CFAP36: variants seen among roughly 807,000 people sequenced by gnomAD.
The protein encoded by CFAP36 is cilia- and flagella-associated protein 36.
A neutral mutation model predicts 50.5 loss-of-function variants in CFAP36; 37 were observed. The observed-to-expected ratio is 0.73, with a 90% confidence interval of 0.56 to 0.96. CFAP36 has a LOEUF of 0.96. Among genes scored for constraint, CFAP36 ranks in the 50% least tolerant of loss-of-function variants. CFAP36 has a pLI of 0.00. For missense variants in CFAP36, 407 were observed against 396.2 expected (o/e 1.03, Z -0.23); for synonymous variants, 138 against 128.2 (o/e 1.08, Z -0.52).
At chr2:55,524,977 C>T (rs1684167157) in intron 3 of CFAP36, among the ~76,000 whole-genome samples, 2 of 147,954 alleles carry the variant, frequency 1.4e-5, no homozygotes, top group Middle Eastern at 3.4e-3. Context: ...ACAAAACTGT[C>T]TAAAAAAAAA....
chr2:55,523,972 T>C (rs1443116691), intron 3 of CFAP36, 150 bp downstream of exon 3: 2 of 504,054 alleles, frequency 4.0e-6, no homozygotes, highest in African/African-American at 1.9e-5. Context: ...TGAGTTCTTT[T>C]TGAGAGCAAC....
At chr2:55,537,637 C>T (rs768580169) in intron 7 of CFAP36, 52 bp downstream of exon 7, 1 of 1,150,242 alleles carries the variant, frequency 8.7e-7, no homozygotes, top group Non-Finnish European at 1.3e-6. Flanking sequence ...ACATAAACAC[C>T]ATATAGAATG....
At chr2:55,543,297 ACT>A (rs1367140380) in intron 7 of CFAP36, among the ~76,000 whole-genome samples, 1 of 151,506 alleles carries the variant, frequency 6.6e-6, no homozygotes, top group Non-Finnish European at 1.5e-5. Context: ...TAGAATGTTA[ACT>A]CTCTCTCTTG....
chr2:55,536,144 T>C (rs1171262107), intron 6 of CFAP36, among the ~76,000 whole-genome samples: 1 of 151,956 alleles, frequency 6.6e-6, no homozygotes, highest in Non-Finnish European at 1.5e-5. Context: ...ATTTTTTTTT[T>C]TTTTTTGAGA....
chr2:55,543,891 T>C (rs775782530), intron 7 of CFAP36, 47 bp from the exon 8 acceptor site: 11 of 1,541,568 alleles, frequency 7.1e-6, no homozygotes, highest in Non-Finnish European at 9.8e-6. Flanking sequence ...ACACTTAAAA[T>C]ATTTCTCATA....
At chr2:55,532,675 C>T (rs1684384228) in intron 4 of CFAP36, among the ~76,000 whole-genome samples, 1 of 151,994 alleles carries the variant, frequency 6.6e-6, no homozygotes, top group East Asian at 1.9e-4. Context: ...TTGCACTTAC[C>T]TCAAAATAAA....
intron 3 of CFAP36, among the ~76,000 whole-genome samples, chr2:55,526,721 G>A (rs1326101281): frequency 6.6e-6 from 1 of 152,132 alleles, no homozygotes; most frequent in Admixed American, 6.5e-5. Context: ...GGGGTTACAG[G>A]TGTGAGCCAC....
intron 7 of CFAP36, 124 bp downstream of exon 7, chr2:55,537,709 G>GTAAA: frequency 1.6e-6 from 1 of 635,490 alleles, no homozygotes; most frequent in South Asian, 2.4e-5. Context: ...AATGTCTTTG[G>GTAAA]TATTTAACGT....
intron 4 of CFAP36, among the ~76,000 whole-genome samples, chr2:55,532,396 A>G (rs900267522): frequency 6.6e-6 from 1 of 152,174 alleles, no homozygotes; most frequent in Non-Finnish European, 1.5e-5. Flanking sequence ...GAATTTAGAG[A>G]AATTGCAAAT....
At chr2:55,544,681 A>T (rs182727066) in intron 9 of CFAP36, among the ~76,000 whole-genome samples, 3 of 152,280 alleles carry the variant, frequency 2.0e-5, no homozygotes, top group Admixed American at 6.5e-5. Flanking sequence ...ATAGAGCAGC[A>T]TCAGTACCAC....
At chr2:55,524,240 T>C (rs958005158) in intron 3 of CFAP36, among the ~76,000 whole-genome samples, 2 of 152,104 alleles carry the variant, frequency 1.3e-5, no homozygotes, top group Admixed American at 1.3e-4. Context: ...GTAATACATA[T>C]GTTATAAACT....
intron 1 of CFAP36, among the ~76,000 whole-genome samples, chr2:55,520,796 A>G (rs1047828175): frequency 6.6e-6 from 1 of 152,194 alleles, no homozygotes; most frequent in African/African-American, 2.4e-5. Context: ...TGTAAGGTTG[A>G]GTAGAATAGA....
chr2:55,530,204 G>A (rs941161253), intron 4 of CFAP36, among the ~76,000 whole-genome samples: 3 of 152,082 alleles, frequency 2.0e-5, no homozygotes, highest in Non-Finnish European at 4.4e-5. Flanking sequence ...TGGGAAAGGG[G>A]AGTCTTCCTG....
At position 55,544,200 on chromosome 2, in the gene CFAP36, CCTTTT is replaced by C. The variant is rs1684714172; in HGVS notation, c.778-16_778-12del. On this transcript the variant is annotated splice_polypyrimidine_tract_variant and intron_variant, in intron 8 of 9. Transcript: ENST00000349456. ...TAAATGGATTTGAATTTAGATAGCTCCTTTTCTTACTTGACCCAGAACTTATCAGT... is the reference window on the plus strand; with the variant it reads ...TAAATGGATTTGAATTTAGATAGCTCCTTACTTGACCCAGAACTTATCAGT... 6.2e-7 allele frequency: 1 copy of C among 1,607,974 alleles called. No homozygotes were observed. Among genetic ancestry groups the C allele is most frequent in the African/African-American group, 1.3e-5 (1 of 74,320 alleles).
chr2:55,533,842 A>T (rs1370944329), intron 4 of CFAP36, 31 bp from the exon 5 acceptor site: 2 of 1,362,412 alleles, frequency 1.5e-6, no homozygotes, highest in Non-Finnish European at 2.1e-6. Context: ...TGGAGTTGAT[A>T]CTATTTCATG....
At chr2:55,534,412 G>A (rs1310326103) in intron 5 of CFAP36, among the ~76,000 whole-genome samples, 1 of 152,202 alleles carries the variant, frequency 6.6e-6, no homozygotes, top group African/African-American at 2.4e-5. Context: ...TCAAGGGAGG[G>A]ATGACAGAGG....
intron 7 of CFAP36, among the ~76,000 whole-genome samples, chr2:55,541,201 G>C (rs56291890): frequency 4.7e-4 from 72 of 152,190 alleles, no homozygotes; most frequent in South Asian, 8.3e-4. Flanking sequence ...GCAAGTTCCT[G>C]TAATGCTAGC....
At chr2:55,543,361 G>A (rs1684690037) in intron 7 of CFAP36, among the ~76,000 whole-genome samples, 1 of 152,102 alleles carries the variant, frequency 6.6e-6, no homozygotes, top group African/African-American at 2.4e-5. Context: ...ATGTTTATAT[G>A]TGCTTCCAAG....
Position 55,535,964 on chromosome 2 carries a change from A to G in CFAP36, c.537+201A>G, listed in dbSNP as rs542194415. On this transcript the variant is annotated intron_variant, in intron 6 of 9. Coordinates refer to ENST00000349456, the MANE Select transcript of CFAP36 (RefSeq NM_080667.7). ...GCTGGCCACCATATTATATAGTACT[A>G]TATATACTTAACTGTATATAGTACA... The G allele has an allele frequency of 5.0e-5, 54 of 1,081,938 alleles. No individual in the cohort carries two copies. In the South Asian group the frequency reaches 1.2e-3, roughly 24 times the overall value. 67.0% of individuals were successfully genotyped at this position (1,081,938 alleles called of 1,614,324 possible). A position where few individuals can be genotyped will look rare whatever the true frequency, so the allele number is the denominator to read the frequency against.
Sources: gnomAD v4.1 joint callset for allele counts (sites outside exome capture counted in the v4.1 genomes callset) on GRCh38, gnomAD v4.1.1 for gene constraint, MANE v1.5 for transcripts, NCBI Gene and HGNC (gene_info 2026-07-23, HGNC 2026-07-21) for gene names.